TLL1: variants seen among roughly 807,000 people sequenced by gnomAD.
The protein encoded by TLL1 is tolloid-like protein 1.
A neutral mutation model predicts 128.2 loss-of-function variants in TLL1; 49 were observed. The ratio of observed to expected loss-of-function variants is 0.38; its 90% CI spans 0.30 to 0.48. The LOEUF is 0.48. Among genes scored for constraint, TLL1 ranks in the 20% least tolerant of loss-of-function variants. TLL1 has a pLI of 0.96. For missense variants in TLL1, 1,123 were observed against 1,242.0 expected, an observed-to-expected ratio of 0.90 and a Z score of 1.44; for synonymous variants, 454 against 418.8, an observed-to-expected ratio of 1.08 and a Z score of -1.03.
intron 1 of TLL1, among the ~76,000 whole-genome samples, chr4:165,899,356 T>G (rs998406888): frequency 6.6e-6 from 1 of 152,224 alleles, no homozygotes; most frequent in African/African-American, 2.4e-5. Flanking sequence ...CCTATGGGCA[T>G]TTAGTGCTAT....
intron 15 of TLL1, among the ~76,000 whole-genome samples, chr4:166,061,594 A>T (rs1740316613): frequency 6.6e-6 from 1 of 151,842 alleles, no homozygotes; most frequent in Admixed American, 6.6e-5. Context: ...TGTAGTAACC[A>T]AGGAGGTTTT....
chr4:165,901,552 T>C (rs1204827139), intron 1 of TLL1, among the ~76,000 whole-genome samples: 3 of 152,210 alleles, frequency 2.0e-5, no homozygotes, highest in Non-Finnish European at 4.4e-5. Context: ...AGACCCTGTT[T>C]GCCTGAGTAT....
intron 16 of TLL1, among the ~76,000 whole-genome samples, chr4:166,072,444 C>CAGAATTT (rs1740837022): frequency 6.6e-6 from 1 of 151,592 alleles, no homozygotes; most frequent in African/African-American, 2.4e-5. Context: ...TTCTCTTCTT[C>CAGAATTT]CAAAAATTAT....
At chr4:166,025,748 T>C (rs1738465210) in intron 9 of TLL1, among the ~76,000 whole-genome samples, 1 of 152,064 alleles carries the variant, frequency 6.6e-6, no homozygotes, top group South Asian at 2.1e-4. Context: ...AAAATATATA[T>C]CTAGATGTCC....
Position 166,014,580 on chromosome 4 carries a change from C to G in TLL1, c.1042+20C>G. ...GTCCAGGTATTGCACTACACAAACA[C>G]AAGAGCATGACTGTACTTGATTGTG... On this transcript the variant is annotated intron_variant, in intron 8 of 20. Coordinates refer to ENST00000061240, the MANE Select transcript of TLL1 (RefSeq NM_012464.5). The G allele has an allele frequency of 6.2e-7, 1 of 1,610,514 alleles. No homozygotes were observed. The highest frequency in any genetic ancestry group is 8.5e-7 in the Non-Finnish European group (1 of 1,177,864).
chr4:165,913,022 GA>G (rs1271724633), intron 1 of TLL1, among the ~76,000 whole-genome samples: 1 of 151,928 alleles, frequency 6.6e-6, no homozygotes, highest in Non-Finnish European at 1.5e-5. Flanking sequence ...CATGCCACAT[GA>G]ACTATGAAGC....
At chr4:166,073,472 A>C (rs996065275) in intron 16 of TLL1, among the ~76,000 whole-genome samples, 1 of 152,080 alleles carries the variant, frequency 6.6e-6, no homozygotes, top group East Asian at 1.9e-4. Flanking sequence ...TCACAGAATA[A>C]TTTTCTTTAT....
rs1011455483 is a variant in TLL1, at chr4:166,103,403, C to T, written c.*2527C>T. 1.3e-5 allele frequency: 2 copies of T among 151,558 alleles called. No individual in the cohort carries two copies. The highest frequency in any genetic ancestry group is 3.0e-5 in the Non-Finnish European group (2 of 67,776). 9.4% of individuals were successfully genotyped at this position (151,558 alleles called of 1,614,324 possible). ...CCCTATAGTTTGGAGTTAGTATGAG[C>T]CTTTTGTGAAAATAAATATATTAAA... On this transcript the variant is annotated 3_prime_UTR_variant, in exon 21 of 21. Coordinates refer to ENST00000061240, the MANE Select transcript of TLL1 (RefSeq NM_012464.5).
chr4:165,928,871 C>T (rs1468354435), intron 1 of TLL1, among the ~76,000 whole-genome samples: 1 of 152,188 alleles, frequency 6.6e-6, no homozygotes, highest in East Asian at 1.9e-4. Flanking sequence ...TCAAGTACAA[C>T]AAATCCAATT....
intron 18 of TLL1, among the ~76,000 whole-genome samples, chr4:166,081,535 G>C (rs1269894353): frequency 1.3e-5 from 2 of 152,068 alleles, no homozygotes; most frequent in Non-Finnish European, 2.9e-5. Flanking sequence ...GTTTCCGTTA[G>C]TTCTATCCTC....
rs564176580 is a variant in TLL1, at chr4:165,918,599, CAG to C, written c.169+44528_169+44529del. On this transcript the variant is annotated intron_variant, in intron 1 of 20. Transcript: ENST00000061240. ...TCTTTTCCACTGTTTCAAGAGGAAA[CAG>C]ATCACTGCTGTAAATCTTGGTAAAG... is the stretch of plus-strand genomic sequence containing the variant. Among the ~76,000 whole-genome samples the C allele has an allele frequency of 1.4e-3, 219 of 151,768 alleles. 2 individuals are homozygous for C. The highest frequency in any genetic ancestry group is 5.1e-3 in the African/African-American group (211 of 41,362).
At chr4:166,020,849 G>A (rs1465022663) in intron 8 of TLL1, among the ~76,000 whole-genome samples, 2 of 152,166 alleles carry the variant, frequency 1.3e-5, no homozygotes, top group Non-Finnish European at 2.9e-5. Context: ...TTGAGGATTA[G>A]AATCTCTATT....
Position 165,957,394 on chromosome 4 carries a change from A to G in TLL1, c.170-31987A>G, listed in dbSNP as rs192825703. Among the ~76,000 whole-genome samples the G allele has an allele frequency of 3.8e-3, 582 of 152,210 alleles. 3 individuals are homozygous for G. Among genetic ancestry groups the G allele is most frequent in the Non-Finnish European group, 6.1e-3 (414 of 67,998 alleles). ...TATGAAAAAATGTAGCCACACAATA[A>G]TAGTGGGGGAACTTCAGCACTCCAC... On this transcript the variant is annotated intron_variant, in intron 1 of 20. Transcript: ENST00000061240.
intron 1 of TLL1, among the ~76,000 whole-genome samples, chr4:165,911,969 G>C (rs925321621): frequency 6.6e-6 from 1 of 151,960 alleles, no homozygotes; most frequent in Non-Finnish European, 1.5e-5. Context: ...TCTGCCTCCC[G>C]GGTTCACGCC....
intron 1 of TLL1, among the ~76,000 whole-genome samples, chr4:165,923,215 AATC>A (rs898740221): frequency 6.6e-6 from 1 of 152,006 alleles, no homozygotes; most frequent in African/African-American, 2.4e-5. Context: ...GTGCTTTATA[AATC>A]ATCAAGTCTT....
chr4:166,013,491 A>G (rs1342342586), intron 7 of TLL1, among the ~76,000 whole-genome samples: 2 of 151,686 alleles, frequency 1.3e-5, no homozygotes, highest in Non-Finnish European at 2.9e-5. Flanking sequence ...TCTCAATTTA[A>G]AAGATATTAT....
intron 9 of TLL1, among the ~76,000 whole-genome samples, chr4:166,030,293 A>C (rs899101273): frequency 6.6e-6 from 1 of 152,110 alleles, no homozygotes; most frequent in East Asian, 1.9e-4. Flanking sequence ...CTTAATAGCC[A>C]TTTGTATATC....
intron 2 of TLL1, among the ~76,000 whole-genome samples, chr4:165,990,922 C>T (rs1736609980): frequency 6.6e-6 from 1 of 151,926 alleles, no homozygotes; most frequent in African/African-American, 2.4e-5. Context: ...CCACAGATAG[C>T]GTATCCCTCT....
intron 1 of TLL1, among the ~76,000 whole-genome samples, chr4:165,958,149 T>C (rs1415277893): frequency 1.4e-5 from 2 of 140,392 alleles, no homozygotes; most frequent in Non-Finnish European, 3.1e-5. Flanking sequence ...TTTGCTATTG[T>C]GAATAGTGCC....
Sources: gnomAD v4.1 joint callset for allele counts (sites outside exome capture counted in the v4.1 genomes callset) on GRCh38, gnomAD v4.1.1 for gene constraint, MANE v1.5 for transcripts, NCBI Gene and HGNC (gene_info 2026-07-23, HGNC 2026-07-21) for gene names.